The following DLGAP1 variants were observed in gnomAD, a reference collection of about 807,000 sequenced individuals.
DLGAP1 encodes the protein disks large-associated protein 1.
DLGAP1 carries 11 observed loss-of-function variants against 90.8 expected under a neutral mutation model. The ratio of observed to expected loss-of-function variants is 0.12; its 90% CI spans 0.08 to 0.20. The LOEUF is 0.20. DLGAP1 is among the 10% of genes least tolerant of loss of function. The pLI is 1.00. For synonymous variants in DLGAP1, 558 were observed against 540.7 expected, an observed-to-expected ratio of 1.03 and a Z score of -0.44; for missense variants, 1,050 against 1,333.8, an observed-to-expected ratio of 0.79 and a Z score of 3.31.
In DLGAP1 at chr18:3,497,634, T is replaced by C. The variant is rs2049738821; in HGVS notation, c.*1551A>G. On this transcript the variant is annotated 3_prime_UTR_variant, in exon 13 of 13. Transcript: ENST00000315677. ...TATGTTTTTAAAAGTCTTTCGTTTT[T>C]AATTTCTAATGCTTTAGGATGTTAG... The C allele has an allele frequency of 6.6e-6, 1 of 152,250 alleles. No individual in the cohort carries two copies. The highest frequency in any genetic ancestry group is 1.5e-5 in the Non-Finnish European group (1 of 68,048). 9.4% of individuals were successfully genotyped at this position (152,250 alleles called of 1,614,324 possible). A position where few individuals can be genotyped will look rare whatever the true frequency, so the allele number is the denominator to read the frequency against.
intron 1 of DLGAP1, among the ~76,000 whole-genome samples, chr18:4,423,282 T>C (rs902626779): frequency 1.3e-5 from 2 of 152,148 alleles, no homozygotes; most frequent in Non-Finnish European, 2.9e-5. Flanking sequence ...CTTCATAAAA[T>C]AAACAATGAA....
intron 1 of DLGAP1, among the ~76,000 whole-genome samples, chr18:4,418,455 T>C (rs2082953553): frequency 6.6e-6 from 1 of 152,072 alleles, no homozygotes; most frequent in African/African-American, 2.4e-5. Context: ...AGGATTTAAC[T>C]GAAAAGAAGG....
chr18:4,411,042 A>G (rs1475305580), intron 1 of DLGAP1, among the ~76,000 whole-genome samples: 1 of 152,202 alleles, frequency 6.6e-6, no homozygotes, highest in Non-Finnish European at 1.5e-5. Flanking sequence ...CTTACTCCAG[A>G]GCACCTCACG....
chr18:4,141,078 C>G (rs2076487360), intron 2 of DLGAP1, among the ~76,000 whole-genome samples: 1 of 151,982 alleles, frequency 6.6e-6, no homozygotes, highest in Non-Finnish European at 1.5e-5. Flanking sequence ...ATACCTTTCT[C>G]TATGTTTGGG....
intron 1 of DLGAP1, among the ~76,000 whole-genome samples, chr18:4,238,651 C>A (rs974873537): frequency 5.3e-5 from 8 of 152,026 alleles, no homozygotes; most frequent in African/African-American, 1.9e-4. Flanking sequence ...CATGATGATA[C>A]AAGATAATGA....
At chr18:3,895,526 C>A (rs139059595) in intron 3 of DLGAP1, among the ~76,000 whole-genome samples, 2 of 152,308 alleles carry the variant, frequency 1.3e-5, no homozygotes, top group East Asian at 3.9e-4. Flanking sequence ...GATGTCCCAA[C>A]GCATAGATGC....
At chr18:4,267,247 TTAA>T (rs1369905074) in intron 1 of DLGAP1, among the ~76,000 whole-genome samples, 4 of 152,166 alleles carry the variant, frequency 2.6e-5, no homozygotes, top group African/African-American at 9.7e-5. Context: ...AACTGCTGTC[TTAA>T]TACTGTGATT....
At chr18:4,306,789 G>C (rs1274779186) in intron 1 of DLGAP1, among the ~76,000 whole-genome samples, 1 of 152,062 alleles carries the variant, frequency 6.6e-6, no homozygotes, top group East Asian at 1.9e-4. Flanking sequence ...CCTAGGACTC[G>C]AGTTATCTAT....
At chr18:3,866,476 G>C (rs989917965) in intron 4 of DLGAP1, among the ~76,000 whole-genome samples, 1 of 152,194 alleles carries the variant, frequency 6.6e-6, no homozygotes, top group African/African-American at 2.4e-5. Flanking sequence ...ACAGGGTGGG[G>C]TGGGGTGGCT....
At chr18:3,951,705 G>A (rs1465139644) in intron 3 of DLGAP1, among the ~76,000 whole-genome samples, 3 of 152,046 alleles carry the variant, frequency 2.0e-5, no homozygotes, top group African/African-American at 4.8e-5. Flanking sequence ...ATATGGGAGC[G>A]GTTCCCCCAT....
intron 4 of DLGAP1, among the ~76,000 whole-genome samples, chr18:3,828,604 C>A (rs1467490137): frequency 1.5e-5 from 2 of 133,452 alleles, no homozygotes; most frequent in Admixed American, 8.4e-5. Flanking sequence ...CAGGCCACTG[C>A]ACTCCAGCCT....
At chr18:4,260,625 A>G (rs2078984946) in intron 1 of DLGAP1, among the ~76,000 whole-genome samples, 1 of 152,200 alleles carries the variant, frequency 6.6e-6, no homozygotes, top group East Asian at 1.9e-4. Context: ...ATTATTTAAT[A>G]CCCATATTTC....
chr18:3,617,687 A>C (rs530926931), intron 7 of DLGAP1, among the ~76,000 whole-genome samples: 14 of 152,118 alleles, frequency 9.2e-5, no homozygotes, highest in African/African-American at 3.1e-4. Flanking sequence ...TGCTCCATGC[A>C]TGGTTGCCAC....
Position 3,729,316 on chromosome 18 carries a change from C to G in DLGAP1, c.1410G>C (p.Glu470Asp). The change falls in exon 7 of 13, where the codon GAG (glutamate) becomes GAC (aspartate). Residue 470 changes from glutamate (E) to aspartate (D), a missense_variant. This residue lies in a region of DLGAP1 where 565 missense variants were observed against 879.7 expected (regional missense o/e 0.64). Transcript: ENST00000315677. The surrounding 1 kb of genome is among the most constrained non-coding windows in gnomAD (Gnocchi z 6.2). ...GCGCTTCCACGGCCTGCGACTCCAG[C>G]TCGCTGAACACGGACTCGCACACGG... ...FESVCESVFS[E>D]LESQAVEALD... 1 of 1,614,122 alleles carries G rather than the reference C, an allele frequency of 6.2e-7. No homozygotes were observed. Among genetic ancestry groups the G allele is most frequent in the Non-Finnish European group, 8.5e-7 (1 of 1,179,986 alleles).
Position 3,879,952 on chromosome 18 carries a change from G to A in DLGAP1, c.117C>T (p.His39=), listed in dbSNP as rs898791692. ...RKPYLLSPVE[H]HPADHPYYTQ... ...TGTAGTATGGGTGGTCTGCGGGGTGGTGCTCCACTGGGCTCAGCAGGTAGG... is the reference window on the plus strand; with the variant it reads ...TGTAGTATGGGTGGTCTGCGGGGTGATGCTCCACTGGGCTCAGCAGGTAGG... The change falls in exon 4 of 13, where the codon CAC becomes CAT. Residue 39 remains histidine (H), a synonymous_variant. Transcript: ENST00000315677. This position sits in a 1 kb window ranked among gnomAD's most constrained non-coding sequence, Gnocchi z 6.6. 1.9e-6 allele frequency: 3 copies of A among 1,611,794 alleles called. No homozygotes were observed. Among genetic ancestry groups the A allele is most frequent in the South Asian group, 1.1e-5 (1 of 91,020 alleles).
At chr18:4,216,386 C>T (rs948650894) in intron 1 of DLGAP1, among the ~76,000 whole-genome samples, 1 of 152,006 alleles carries the variant, frequency 6.6e-6, no homozygotes, top group South Asian at 2.1e-4. Flanking sequence ...ACCATATCAC[C>T]TACCAACTAA....
intron 3 of DLGAP1, among the ~76,000 whole-genome samples, chr18:3,930,998 A>G (rs1413988586): frequency 2.0e-5 from 3 of 152,024 alleles, no homozygotes; most frequent in Non-Finnish European, 4.4e-5. Context: ...CATTTTCTCT[A>G]CTGCCTACCC....
chr18:4,409,044 C>T (rs1467437401), intron 1 of DLGAP1, among the ~76,000 whole-genome samples: 1 of 151,488 alleles, frequency 6.6e-6, no homozygotes, highest in African/African-American at 2.4e-5. Flanking sequence ...ACCCAAATGT[C>T]CAGCAATAGG....
intron 1 of DLGAP1, among the ~76,000 whole-genome samples, chr18:4,405,666 G>T (rs2082647144): frequency 6.6e-6 from 1 of 152,088 alleles, no homozygotes; most frequent in Non-Finnish European, 1.5e-5. Flanking sequence ...TTAATACAAA[G>T]TGGCTTTCAC....
Sources: gnomAD v4.1 joint callset for allele counts (sites outside exome capture counted in the v4.1 genomes callset) on GRCh38, gnomAD v4.1.1 for gene constraint, gnomAD v4.1.1 regional missense constraint, Gnocchi (gnomAD v3.1) non-coding constraint, MANE v1.5 for transcripts, NCBI Gene and HGNC (gene_info 2026-07-23, HGNC 2026-07-21) for gene names.